Variants in DNAJC6 observed in about 807,000 individuals in gnomAD.
DNAJC6 encodes auxilin.
In DNAJC6, 34 loss-of-function variants were observed where a neutral mutation model predicts 110.0. That is an observed-to-expected ratio of 0.31 (90% confidence interval 0.24 to 0.41). The LOEUF (loss-of-function observed/expected upper bound fraction) is 0.41, where lower values mean the gene tolerates loss of function less well. DNAJC6 is among the 10% of genes least tolerant of loss of function. The pLI is 1.00. For synonymous variants in DNAJC6, 406 were observed against 437.2 expected (o/e 0.93, Z 0.89); for missense variants, 1,031 against 1,207.8 (o/e 0.85, Z 2.17).
intron 13 of DNAJC6, among the ~76,000 whole-genome samples, chr1:65,396,711 AT>A (rs1328011205): frequency 1.3e-5 from 2 of 152,028 alleles, no homozygotes; most frequent in African/African-American, 4.8e-5. Context: ...TATGTGTTAC[AT>A]TTTTTTGTCA....
At chr1:65,306,996 CTCTCTCTCTCTCTCTCTCTCTCTATATA>C (rs1054596759), upstream of DNAJC6, among the ~76,000 whole-genome samples, 13 of 122,488 alleles carry the variant, frequency 1.1e-4, no homozygotes, top group African/African-American at 4.0e-4. Flanking sequence ...CTCTCTCTCT[CTCTCTCTCTCTCTCTCTCTCTCTATATA>C]TATATATATA....
At position 65,365,780 on chromosome 1, in the gene DNAJC6, C is replaced by T. The variant is rs1000372698; in HGVS notation, c.345-105C>T. 7.1e-6 allele frequency: 9 copies of T among 1,268,866 alleles called. No homozygotes were observed. The African/African-American group carries it at 1.2e-4, about 17-fold the overall frequency. The allele number at this position is 1,268,866 out of a possible 1,614,324, so 78.6% of individuals were successfully genotyped here. On this transcript the variant is annotated intron_variant, in intron 2 of 18. Coordinates refer to ENST00000371069, the MANE Select transcript of DNAJC6 (RefSeq NM_001256864.2). ...GGCTGGAGGGGAGTCGAAACATGCC[C>T]CCTGGACAGCGGTGTCCCAGTTCAT...
intron 1 of DNAJC6, among the ~76,000 whole-genome samples, chr1:65,265,814 C>T (rs1056497627): frequency 1.3e-5 from 2 of 152,136 alleles, no homozygotes; most frequent in African/African-American, 2.4e-5. Context: ...CCCGCGTGCC[C>T]AGGAAGGGCG....
intron 1 of DNAJC6, among the ~76,000 whole-genome samples, chr1:65,330,515 C>T (rs1462241927): frequency 3.3e-5 from 5 of 152,060 alleles, no homozygotes; most frequent in East Asian, 1.9e-4. Context: ...GTTGCCCAGG[C>T]TGGAGTACAG....
At chr1:65,357,682 G>A (rs547491155) in intron 1 of DNAJC6, among the ~76,000 whole-genome samples, 2 of 152,178 alleles carry the variant, frequency 1.3e-5, no homozygotes, top group South Asian at 2.1e-4. Flanking sequence ...TGCTTGGAGT[G>A]AGGGGGGCAC....
intron 1 of DNAJC6, among the ~76,000 whole-genome samples, chr1:65,311,455 C>T (rs1044094687): frequency 5.3e-5 from 8 of 152,066 alleles, no homozygotes; most frequent in Non-Finnish European, 7.4e-5. Context: ...GAACTCCTGA[C>T]CTCAGGTGAT....
intron 1 of DNAJC6, among the ~76,000 whole-genome samples, chr1:65,270,921 C>T (rs1022078866): frequency 3.9e-5 from 6 of 152,206 alleles, no homozygotes; most frequent in African/African-American, 9.6e-5. Context: ...TCAAGTGATC[C>T]GCCACCTTTG....
chr1:65,402,935 A>G (rs1646043465), intron 15 of DNAJC6, among the ~76,000 whole-genome samples: 1 of 152,226 alleles, frequency 6.6e-6, no homozygotes, highest in Non-Finnish European at 1.5e-5. Flanking sequence ...AATCTCATTT[A>G]TTATTTATTT....
At chr1:65,372,502 C>T (rs1360517503) in intron 4 of DNAJC6, among the ~76,000 whole-genome samples, 1 of 152,042 alleles carries the variant, frequency 6.6e-6, no homozygotes, top group Non-Finnish European at 1.5e-5. Flanking sequence ...TTGGTGTCTA[C>T]AAGGGGAGAC....
chr1:65,320,990 GT>G (rs1645192639), intron 1 of DNAJC6, among the ~76,000 whole-genome samples: 1 of 152,202 alleles, frequency 6.6e-6, no homozygotes, highest in African/African-American at 2.4e-5. Context: ...GTAGAAAGAA[GT>G]GTGTACCTGA....
chr1:65,278,680 A>G (rs1279783077), intron 1 of DNAJC6, among the ~76,000 whole-genome samples: 1 of 152,214 alleles, frequency 6.6e-6, no homozygotes, highest in African/African-American at 2.4e-5. Context: ...GAAAGTGCCA[A>G]AGAGAAAGAA....
At chr1:65,351,877 G>A (rs1645493104) in intron 1 of DNAJC6, among the ~76,000 whole-genome samples, 1 of 152,232 alleles carries the variant, frequency 6.6e-6, no homozygotes, top group Non-Finnish European at 1.5e-5. Context: ...CAATTCTCCT[G>A]CTTCAGCCTC....
chr1:65,361,823 A>T (rs912730093), intron 1 of DNAJC6, among the ~76,000 whole-genome samples: 1 of 152,180 alleles, frequency 6.6e-6, no homozygotes, highest in Non-Finnish European at 1.5e-5. Context: ...TATGTATGTT[A>T]TCAAAGTCAT....
At chr1:65,411,476 A>G in intron 18 of DNAJC6, 50 bp downstream of exon 18, 2 of 1,549,756 alleles carry the variant, frequency 1.3e-6, no homozygotes, top group Non-Finnish European at 1.8e-6. Context: ...TTGCTTCATT[A>G]TCTTATGAGT....
intron 1 of DNAJC6, among the ~76,000 whole-genome samples, chr1:65,344,352 T>C (rs947197849): frequency 2.0e-5 from 3 of 152,146 alleles, no homozygotes; most frequent in Non-Finnish European, 4.4e-5. Context: ...ATTGCAAAAC[T>C]GAGGTTCAGA....
At chr1:65,316,430 T>A (rs1412969264) in intron 1 of DNAJC6, among the ~76,000 whole-genome samples, 1 of 152,204 alleles carries the variant, frequency 6.6e-6, no homozygotes, top group African/African-American at 2.4e-5. Context: ...CAGCCTTTAC[T>A]TCCGTATCAC....
chr1:65,365,204 G>A (rs561245029), intron 2 of DNAJC6, among the ~76,000 whole-genome samples: 1 of 152,138 alleles, frequency 6.6e-6, no homozygotes, highest in African/African-American at 2.4e-5. Context: ...ATTACCTACG[G>A]ATTGTAATCA....
intron 1 of DNAJC6, among the ~76,000 whole-genome samples, chr1:65,289,861 A>G (rs1886776): frequency 0.7 from 106,125 of 150,606 alleles, 38,859 homozygotes; most frequent in African/African-American, 0.92. Context: ...CCAGGCTGAG[A>G]TGCAGTGGCA....
intron 1 of DNAJC6, among the ~76,000 whole-genome samples, chr1:65,277,639 A>G (rs1653714542): frequency 6.6e-6 from 1 of 150,642 alleles, no homozygotes; most frequent in Non-Finnish European, 1.5e-5. Context: ...GGGACTTGAC[A>G]TGAATGGCAT....
Sources: allele counts gnomAD v4.1 joint callset (sites outside exome capture counted in the v4.1 genomes callset), GRCh38; gene constraint gnomAD v4.1.1; transcripts MANE v1.5; gene names NCBI Gene and HGNC (gene_info 2026-07-23, HGNC 2026-07-21).